KDM2B: variants seen among roughly 807,000 people sequenced by gnomAD.
KDM2B encodes the protein lysine demethylase 2B, also known as lysine-specific demethylase 2B.
A neutral mutation model predicts 150.0 loss-of-function variants in KDM2B; 26 were observed. The observed-to-expected ratio is 0.17, with a 90% CI of 0.13 to 0.24. The LOEUF is 0.24. Among genes scored for constraint, KDM2B ranks in the 10% least tolerant of loss-of-function variants. The pLI is 1.00. For synonymous variants in KDM2B, 734 were observed against 729.5 expected (o/e 1.01, Z -0.10); for missense variants, 1,265 against 1,816.9 (o/e 0.70, Z 5.52).
chr12:121,520,972 G>A lies in KDM2B; in HGVS notation c.1047+13C>T. 2 of 1,608,632 alleles carry A rather than the reference G, an allele frequency of 1.2e-6. No homozygotes were observed. The highest frequency in any genetic ancestry group is 2.2e-5 in the East Asian group (1 of 44,820). ...CCAGGCGCGCACGCGAGGACAGAAG[G>A]GAACCTCCTTACCCGCGTCCTGTCC... On this transcript the variant is annotated intron_variant, in intron 9 of 22. Coordinates refer to ENST00000377071, the MANE Select transcript of KDM2B (RefSeq NM_032590.5). This position sits in a 1 kb window ranked among gnomAD's most constrained non-coding sequence, Gnocchi z 4.5.
intron 12 of KDM2B, among the ~76,000 whole-genome samples, chr12:121,476,617 G>A (rs1167738671): frequency 6.6e-6 from 1 of 152,126 alleles, no homozygotes; most frequent in African/African-American, 2.4e-5. Context: ...CTGAAACAAA[G>A]AGATAGTTCA....
chr12:121,429,623 T>A lies in KDM2B; in HGVS notation c.*665A>T. On this transcript the variant is annotated 3_prime_UTR_variant, in exon 23 of 23. Coordinates refer to ENST00000377071, the MANE Select transcript of KDM2B (RefSeq NM_032590.5). ...CAGACTCTCAACTTCCAGTTAAACATGCTTTTAAGTGGAAGGTCTTAGCCT... is the reference window on the plus strand; with the variant it reads ...CAGACTCTCAACTTCCAGTTAAACAAGCTTTTAAGTGGAAGGTCTTAGCCT... 1 of 200,564 alleles carries A rather than the reference T, an allele frequency of 5.0e-6. No homozygotes were observed. Among genetic ancestry groups the A allele is most frequent in the South Asian group, 1.4e-4 (1 of 6,998 alleles). The allele number at this position is 200,564 out of a possible 1,614,324, so 12.4% of individuals were successfully genotyped here. A position where few individuals can be genotyped will look rare whatever the true frequency, so the allele number is the denominator to read the frequency against.
chr12:121,457,621 G>A (rs527982897), intron 12 of KDM2B, among the ~76,000 whole-genome samples: 4 of 151,864 alleles, frequency 2.6e-5, no homozygotes, highest in African/African-American at 9.7e-5. Flanking sequence ...GGAAGTGACG[G>A]CATCCCCAGA....
rs1463889493 is a variant in KDM2B, at chr12:121,461,343, G to A, written c.1735-7999C>T. Among the ~76,000 whole-genome samples the A allele has an allele frequency of 2.0e-5, 3 of 152,158 alleles. No homozygotes were observed. In the East Asian group the frequency reaches 5.8e-4, roughly 29 times the overall value. The stretch of plus-strand genomic sequence containing the variant: ...CTGCAGGGCCTCATCTACCACAGTA[G>A]GGAACTGGACCCATCACAGTAAGTT... On this transcript the variant is annotated intron_variant, in intron 12 of 22. Transcript: ENST00000377071.
intron 4 of KDM2B, among the ~76,000 whole-genome samples, chr12:121,554,886 T>C (rs1305311755): frequency 2.6e-5 from 4 of 152,098 alleles, no homozygotes; most frequent in African/African-American, 7.2e-5. Context: ...ACTCAAATAT[T>C]TGATGAATGC....
chr12:121,544,114 C>CAAAAA lies in KDM2B; in HGVS notation c.683+4758_683+4762dup, dbSNP rs57873693. ...TGGGCAACAGAGAGAGACCCTGCCT[C>CAAAAA]AAAAAAAAAAAAAAAAAAAAAAAGC... On this transcript the variant is annotated intron_variant, in intron 6 of 22. Transcript: ENST00000377071. 1.4e-4 allele frequency among the ~76,000 whole-genome samples: 6 copies of CAAAAA among 42,908 alleles called. 1 individual carries two copies. Among genetic ancestry groups the CAAAAA allele is most frequent in the Middle Eastern group, 0.011 (1 of 90 alleles). 28.1% of individuals were successfully genotyped at this position (42,908 alleles called of 152,430 possible).
chr12:121,489,217 T>G (rs1397075915), intron 12 of KDM2B, among the ~76,000 whole-genome samples: 1 of 152,082 alleles, frequency 6.6e-6, no homozygotes, highest in Non-Finnish European at 1.5e-5. Flanking sequence ...AGGGCTGGGA[T>G]TACAGGTGTG....
In KDM2B at chr12:121,429,936, A is replaced by ATGAAG. The variant is rs1593692478; in HGVS notation, c.*347_*351dup. ...ACCCAAAACCTCGGTGTTGCAAGGA[A>ATGAAG]TGAAGTGTCCAAAACACCACTACCA... On this transcript the variant is annotated 3_prime_UTR_variant, in exon 23 of 23. Transcript: ENST00000377071. 7 of 640,686 alleles carry ATGAAG rather than the reference A, an allele frequency of 1.1e-5. No homozygotes were observed. The East Asian group carries it at 1.9e-4, about 17-fold the overall frequency. 39.7% of individuals were successfully genotyped at this position (640,686 alleles called of 1,614,324 possible). A position where few individuals can be genotyped will look rare whatever the true frequency, so the allele number is the denominator to read the frequency against.
chr12:121,578,816 G>A lies in KDM2B; in HGVS notation c.257C>T (p.Ala86Val). 2 of 1,587,626 alleles carry A rather than the reference G, an allele frequency of 1.3e-6. No individual in the cohort carries two copies. Among genetic ancestry groups the A allele is most frequent in the South Asian group, 1.1e-5 (1 of 88,838 alleles). ...GGGCGCCTCACCTTTGCCCTCCATG[G>A]CGTGCACGAAGTCCCCCTGGTACAG... ...SQLYQGDFVH[A>V]MEGKDFNYEY... Residue 86 changes from alanine to valine, a missense_variant, in exon 2 of 23, where the codon GCC becomes GTC. Coordinates refer to ENST00000377071, the MANE Select transcript of KDM2B (RefSeq NM_032590.5).
chr12:121,421,830 T>C, the KDM2B span, among the ~76,000 whole-genome samples: 3 of 152,204 alleles, frequency 2.0e-5, no homozygotes, highest in African/African-American at 7.2e-5. Context: ...TGTTCCTATC[T>C]AGCTTAAACA....
intron 9 of KDM2B, among the ~76,000 whole-genome samples, chr12:121,519,276 G>A (rs1396685326): frequency 6.6e-6 from 1 of 152,194 alleles, no homozygotes; most frequent in Non-Finnish European, 1.5e-5. Flanking sequence ...GCAAACCAAG[G>A]CCTGAAAACA....
At chr12:121,478,304 T>G (rs963753585) in intron 12 of KDM2B, among the ~76,000 whole-genome samples, 1 of 151,388 alleles carries the variant, frequency 6.6e-6, no homozygotes. Context: ...CAATACCCAA[T>G]AGGTAATGTT....
At chr12:121,490,798 A>C (rs1314202759) in intron 12 of KDM2B, among the ~76,000 whole-genome samples, 1 of 152,206 alleles carries the variant, frequency 6.6e-6, no homozygotes, top group Non-Finnish European at 1.5e-5. Flanking sequence ...AAATGACCTC[A>C]CAGCACCTAA....
chr12:121,511,256 G>A (rs908195127), intron 10 of KDM2B, among the ~76,000 whole-genome samples: 14 of 149,264 alleles, frequency 9.4e-5, no homozygotes, highest in African/African-American at 3.0e-4. Flanking sequence ...GGATCCACCC[G>A]CCTCGGCCTC....
chr12:121,517,192 C>T (rs1886289112), intron 9 of KDM2B, among the ~76,000 whole-genome samples: 1 of 151,958 alleles, frequency 6.6e-6, no homozygotes, highest in Admixed American at 6.6e-5. Flanking sequence ...CATATCCACT[C>T]GTTGCTGTCA....
At chr12:121,424,306 G>A (rs534090055), downstream of KDM2B, 1 of 152,590 alleles carries the variant, frequency 6.6e-6, no homozygotes, top group Non-Finnish European at 1.5e-5. Context: ...AGTGCTACCC[G>A]CTAGCTGATT....
chr12:121,416,159 G>A, the KDM2B span: 4 of 1,613,322 alleles, frequency 2.5e-6, no homozygotes, highest in Non-Finnish European at 3.4e-6. Flanking sequence ...TCCTTTTTAG[G>A]CGGGTGCCAC....
intron 9 of KDM2B, among the ~76,000 whole-genome samples, chr12:121,517,405 CCCTGGGGTTCCCTA>C (rs1465269506): frequency 6.6e-6 from 1 of 151,894 alleles, no homozygotes; most frequent in African/African-American, 2.4e-5. Flanking sequence ...TCCTAGGGAA[CCCTGGGGTTCCCTA>C]GTTTAGATAG....
At chr12:121,479,256 T>A (rs1190908117) in intron 12 of KDM2B, among the ~76,000 whole-genome samples, 1 of 151,788 alleles carries the variant, frequency 6.6e-6, no homozygotes, top group Non-Finnish European at 1.5e-5. Context: ...GAGACCATCC[T>A]GGCTAACAAG....
Sources: gnomAD v4.1 joint callset for allele counts (sites outside exome capture counted in the v4.1 genomes callset) on GRCh38, gnomAD v4.1.1 for gene constraint, Gnocchi (gnomAD v3.1) non-coding constraint, MANE v1.5 for transcripts, NCBI Gene and HGNC (gene_info 2026-07-23, HGNC 2026-07-21) for gene names.